Variants in AUTS2 observed in about 807,000 individuals in gnomAD.
AUTS2 encodes activator of transcription and developmental regulator AUTS2.
In AUTS2, 17 loss-of-function variants were observed where a neutral mutation model predicts 112.4. The observed-to-expected ratio is 0.15, with a 90% CI of 0.10 to 0.23. The LOEUF (loss-of-function observed/expected upper bound fraction) is 0.23. Ranked by LOEUF, AUTS2 falls within the 10% of genes least tolerant of loss-of-function variation. The pLI is 1.00. For missense variants in AUTS2, 1,510 were observed against 1,701.6 expected, an observed-to-expected ratio of 0.89 and a Z score of 1.98; for synonymous variants, 751 against 702.7, an observed-to-expected ratio of 1.07 and a Z score of -1.09.
chr7:70,232,077 ATC>A (rs1190964107), intron 4 of AUTS2, among the ~76,000 whole-genome samples: 1 of 152,124 alleles, frequency 6.6e-6, no homozygotes. Context: ...CCAGCCTATA[ATC>A]TGTGTGTGGT....
intron 4 of AUTS2, among the ~76,000 whole-genome samples, chr7:70,338,833 C>CTTATTTAT (rs60351906): frequency 0.17 from 24,539 of 140,458 alleles, 2,531 homozygotes; most frequent in Non-Finnish European, 0.21. Flanking sequence ...AGCCTCATCT[C>CTTATTTAT]TTATTTATTT....
At chr7:70,268,002 T>C (rs886149641) in intron 4 of AUTS2, among the ~76,000 whole-genome samples, 3 of 152,148 alleles carry the variant, frequency 2.0e-5, no homozygotes, top group Non-Finnish European at 4.4e-5. Context: ...TATCAATTCC[T>C]CTAATTAGGT....
chr7:69,736,844 T>A (rs908195521), intron 1 of AUTS2, among the ~76,000 whole-genome samples: 5 of 152,220 alleles, frequency 3.3e-5, no homozygotes, highest in African/African-American at 1.2e-4. Context: ...GAGAGACTTC[T>A]CAGAAATATA....
chr7:69,771,040 A>C (rs1324662100), intron 1 of AUTS2, among the ~76,000 whole-genome samples: 1 of 152,210 alleles, frequency 6.6e-6, no homozygotes, highest in Non-Finnish European at 1.5e-5. Flanking sequence ...GTGTGTTTGC[A>C]GTGTTGGAGA....
intron 11 of AUTS2, among the ~76,000 whole-genome samples, chr7:70,773,721 A>G (rs1241387423): frequency 6.6e-6 from 1 of 152,254 alleles, no homozygotes; most frequent in African/African-American, 2.4e-5. Context: ...GTTCATTCAG[A>G]GGAAGAGGAG....
chr7:70,480,611 G>A (rs145765654), intron 5 of AUTS2, among the ~76,000 whole-genome samples: 37 of 152,272 alleles, frequency 2.4e-4, no homozygotes, highest in African/African-American at 8.9e-4. Flanking sequence ...ATACCCAAGA[G>A]CACTTGATCA....
intron 5 of AUTS2, among the ~76,000 whole-genome samples, chr7:70,442,023 A>C (rs1039348535): frequency 2.0e-5 from 3 of 152,144 alleles, no homozygotes; most frequent in Admixed American, 1.3e-4. Flanking sequence ...TTAGTTTTCA[A>C]ATAGGATATA....
At chr7:70,300,041 C>T (rs1004847554) in intron 4 of AUTS2, among the ~76,000 whole-genome samples, 9 of 152,078 alleles carry the variant, frequency 5.9e-5, no homozygotes, top group African/African-American at 1.4e-4. Context: ...TAGATACACA[C>T]ATATGAATAG....
chr7:70,092,940 A>T (rs1036536037), intron 2 of AUTS2, among the ~76,000 whole-genome samples: 8 of 152,156 alleles, frequency 5.3e-5, no homozygotes, highest in African/African-American at 1.9e-4. Context: ...TGAAAACCAG[A>T]TCAAACGAAA....
chr7:70,056,231 C>A (rs957039954), intron 2 of AUTS2, among the ~76,000 whole-genome samples: 2 of 152,190 alleles, frequency 1.3e-5, no homozygotes, highest in African/African-American at 4.8e-5. Context: ...GCAATCCATC[C>A]TCCTCATCTT....
intron 5 of AUTS2, among the ~76,000 whole-genome samples, chr7:70,551,636 C>G (rs1166871100): frequency 6.6e-6 from 1 of 152,128 alleles, no homozygotes; most frequent in Non-Finnish European, 1.5e-5. Flanking sequence ...TGTAATGGGC[C>G]ACCCTAGATG....
At chr7:69,829,180 G>C (rs1429391760) in intron 1 of AUTS2, among the ~76,000 whole-genome samples, 1 of 152,134 alleles carries the variant, frequency 6.6e-6, no homozygotes, top group East Asian at 1.9e-4. Flanking sequence ...GGGAAAACTG[G>C]CTAGCCATAG....
intron 6 of AUTS2, among the ~76,000 whole-genome samples, chr7:70,723,730 TTGTG>T (rs2129551679): frequency 9.5e-6 from 1 of 105,366 alleles, no homozygotes; most frequent in South Asian, 3.9e-4. Flanking sequence ...TAAAACAAAC[TTGTG>T]TATTTGGGTT....
intron 1 of AUTS2, among the ~76,000 whole-genome samples, chr7:69,831,661 C>T (rs17140938): frequency 0.076 from 11,488 of 151,470 alleles, 583 homozygotes; most frequent in African/African-American, 0.14. Flanking sequence ...CATGCTATGC[C>T]GTTGTCTTGG....
chr7:70,365,270 G>A (rs912913045), intron 4 of AUTS2, among the ~76,000 whole-genome samples: 4 of 152,038 alleles, frequency 2.6e-5, no homozygotes, highest in South Asian at 2.1e-4. Context: ...CTCATTTCCC[G>A]TTAGGTCATA....
chr7:69,707,603 C>T (rs1170692187), intron 1 of AUTS2, among the ~76,000 whole-genome samples: 1 of 152,090 alleles, frequency 6.6e-6, no homozygotes, highest in African/African-American at 2.4e-5. Context: ...TAAAGAAATT[C>T]AACAAATATT....
intron 2 of AUTS2, among the ~76,000 whole-genome samples, chr7:69,988,482 C>G (rs540792060): frequency 1.3e-5 from 2 of 152,176 alleles, no homozygotes; most frequent in Admixed American, 6.5e-5. Flanking sequence ...AATGCCAGCT[C>G]TCATAATTAT....
At chr7:70,356,199 T>C (rs977453449) in intron 4 of AUTS2, among the ~76,000 whole-genome samples, 1 of 152,162 alleles carries the variant, frequency 6.6e-6, no homozygotes, top group Non-Finnish European at 1.5e-5. Flanking sequence ...TTTCTAGATT[T>C]CTTTCCTGCT....
intron 5 of AUTS2, among the ~76,000 whole-genome samples, chr7:70,476,249 C>T (rs979592951): frequency 3.9e-5 from 6 of 152,016 alleles, no homozygotes; most frequent in South Asian, 2.1e-4. Flanking sequence ...ACAAATGATT[C>T]GTCCAGTGAG....
Sources: gnomAD v4.1 joint callset for allele counts (sites outside exome capture counted in the v4.1 genomes callset) on GRCh38, gnomAD v4.1.1 for gene constraint, MANE v1.5 for transcripts, NCBI Gene and HGNC (gene_info 2026-07-23, HGNC 2026-07-21) for gene names.